The following CCDC171 variants were observed in gnomAD, a reference collection of about 807,000 sequenced individuals.
CCDC171 encodes coiled-coil domain containing 171, also known as coiled-coil domain-containing protein 171.
In CCDC171, 177 loss-of-function variants were observed where a neutral mutation model predicts 168.2. The ratio of observed to expected loss-of-function variants is 1.05; its 90% confidence interval spans 0.93 to 1.19. The LOEUF is 1.19. CCDC171 is among the 50% of genes most tolerant of loss of function. The pLI, the probability that CCDC171 is intolerant of heterozygous loss-of-function variation, is 0.00. For synonymous variants in CCDC171, 687 were observed against 540.8 expected (o/e 1.27, Z -3.75); for missense variants, 1,991 against 1,539.0 (o/e 1.29, Z -4.91).
chr9:15,650,615 A>G (rs1037967412), intron 7 of CCDC171, among the ~76,000 whole-genome samples: 23 of 152,162 alleles, frequency 1.5e-4, no homozygotes, highest in African/African-American at 5.6e-4. Flanking sequence ...TCTGGATACT[A>G]GAACGTGCTC....
intron 18 of CCDC171, among the ~76,000 whole-genome samples, chr9:15,772,500 A>T (rs1185929563): frequency 6.6e-6 from 1 of 152,184 alleles, no homozygotes; most frequent in African/African-American, 2.4e-5. Flanking sequence ...GCAGTTTGGA[A>T]CACAAGCATA....
chr9:15,723,914 TG>T (rs1475153970), intron 13 of CCDC171, among the ~76,000 whole-genome samples, 168 bp downstream of exon 13: 2 of 151,922 alleles, frequency 1.3e-5, no homozygotes, highest in East Asian at 1.9e-4. Flanking sequence ...GTAACAAGAA[TG>T]TTTTTTTCAT....
chr9:15,742,653 G>A (rs545066064), intron 16 of CCDC171, among the ~76,000 whole-genome samples: 1 of 152,300 alleles, frequency 6.6e-6, no homozygotes, highest in Admixed American at 6.5e-5. Flanking sequence ...CTGGGACATA[G>A]TCCCATTGAT....
At chr9:15,981,091 A>G (rs1331191306) in intron 3 of CCDC171, among the ~76,000 whole-genome samples, 1 of 152,096 alleles carries the variant, frequency 6.6e-6, no homozygotes, top group Non-Finnish European at 1.5e-5. Context: ...GCCAGGAAAG[A>G]CGTGCCCCCA....
At chr9:15,821,714 C>A (rs2059778727) in intron 21 of CCDC171, among the ~76,000 whole-genome samples, 1 of 117,364 alleles carries the variant, frequency 8.5e-6, no homozygotes, top group East Asian at 2.1e-4. Context: ...ACATTCCATG[C>A]TCCTGGGTGG....
At chr9:15,892,300 C>T (rs1367479552) in intron 24 of CCDC171, among the ~76,000 whole-genome samples, 1 of 152,038 alleles carries the variant, frequency 6.6e-6, no homozygotes, top group Non-Finnish European at 1.5e-5. Flanking sequence ...GGGAATGCTT[C>T]CAGCTTCTGC....
intron 11 of CCDC171, among the ~76,000 whole-genome samples, chr9:15,703,260 C>G (rs2051918656): frequency 6.6e-6 from 1 of 152,306 alleles, no homozygotes; most frequent in South Asian, 2.1e-4. Context: ...CTGGTTTGAT[C>G]TGCGCAGACC....
At chr9:15,862,234 C>T (rs946274589) in intron 23 of CCDC171, among the ~76,000 whole-genome samples, 25 of 151,520 alleles carry the variant, frequency 1.6e-4, no homozygotes, top group Non-Finnish European at 3.2e-4. Flanking sequence ...AAGACTTAAA[C>T]TGTCTTTATT....
At chr9:15,643,719 C>A (rs1322911259) in intron 7 of CCDC171, among the ~76,000 whole-genome samples, 1 of 152,136 alleles carries the variant, frequency 6.6e-6, no homozygotes, top group East Asian at 1.9e-4. Context: ...CAGCTACTGC[C>A]CTTTTCGTTC....
intron 6 of CCDC171, among the ~76,000 whole-genome samples, chr9:16,024,390 AG>A (rs911590367): frequency 6.6e-6 from 1 of 152,188 alleles, no homozygotes; most frequent in Non-Finnish European, 1.5e-5. Context: ...ATTTAGAAGG[AG>A]CCAACTCCCA....
chr9:15,884,894 G>A (rs1029033660), intron 24 of CCDC171, among the ~76,000 whole-genome samples: 28 of 152,246 alleles, frequency 1.8e-4, no homozygotes, highest in Non-Finnish European at 3.7e-4. Flanking sequence ...ATTGAGAAAG[G>A]TTTTAGTGTT....
At chr9:15,564,479 T>G (rs1011291667) in intron 2 of CCDC171, among the ~76,000 whole-genome samples, 19 of 152,268 alleles carry the variant, frequency 1.2e-4, no homozygotes, top group African/African-American at 4.3e-4. Flanking sequence ...TGGCTTTAAT[T>G]CCTCTTTCTT....
intron 7 of CCDC171, among the ~76,000 whole-genome samples, chr9:15,645,591 G>T (rs1424182284): frequency 6.6e-6 from 1 of 152,178 alleles, no homozygotes; most frequent in Non-Finnish European, 1.5e-5. Context: ...CGAGAACTAC[G>T]TGATGCATGC....
intron 20 of CCDC171, among the ~76,000 whole-genome samples, chr9:15,779,536 T>G (rs948818328): frequency 1.4e-4 from 22 of 152,082 alleles, no homozygotes; most frequent in African/African-American, 5.3e-4. Context: ...ATTTTTGTAT[T>G]TTTAGTAGAG....
chr9:16,015,563 C>G (rs1832990438), intron 3 of CCDC171, among the ~76,000 whole-genome samples: 1 of 152,150 alleles, frequency 6.6e-6, no homozygotes, highest in East Asian at 1.9e-4. Flanking sequence ...TACTCTGTCT[C>G]AAGTGCCCTT....
chr9:15,693,147 A>G (rs1330543392), intron 10 of CCDC171, among the ~76,000 whole-genome samples: 1 of 152,054 alleles, frequency 6.6e-6, no homozygotes, highest in Non-Finnish European at 1.5e-5. Context: ...AAAACAAAAC[A>G]AAACAAAACA....
chr9:15,651,267 C>G (rs1038189065), intron 7 of CCDC171, among the ~76,000 whole-genome samples: 5 of 152,070 alleles, frequency 3.3e-5, no homozygotes, highest in African/African-American at 1.2e-4. Context: ...CGCTACGACA[C>G]CTAGCTAATT....
chr9:15,650,077 G>A (rs940522733), intron 7 of CCDC171, among the ~76,000 whole-genome samples: 1 of 152,152 alleles, frequency 6.6e-6, no homozygotes, highest in South Asian at 2.1e-4. Context: ...CCATAAAAAA[G>A]GATGAGTTCA....
intron 21 of CCDC171, among the ~76,000 whole-genome samples, chr9:15,812,030 G>A (rs1207912535): frequency 6.6e-6 from 1 of 152,152 alleles, no homozygotes; most frequent in Non-Finnish European, 1.5e-5. Context: ...AGGGGAAATG[G>A]TTGGAAACAA....
Sources: allele counts gnomAD v4.1 joint callset (sites outside exome capture counted in the v4.1 genomes callset), GRCh38; gene constraint gnomAD v4.1.1; transcripts MANE v1.5; gene names NCBI Gene and HGNC (gene_info 2026-07-23, HGNC 2026-07-21).